PCBP3: variants seen among roughly 807,000 people sequenced by gnomAD.
The protein encoded by PCBP3 is poly(rC)-binding protein 3.
Under a neutral mutation model 52.7 loss-of-function variants are expected in PCBP3, and 25 were observed. That is an observed-to-expected ratio of 0.47 (90% CI 0.35 to 0.66). PCBP3 has a LOEUF of 0.66. Ranked by LOEUF, PCBP3 falls within the 30% of genes least tolerant of loss-of-function variation. The pLI is 0.01. For missense variants in PCBP3, 391 were observed against 490.3 expected (o/e 0.80, Z 1.91); for synonymous variants, 162 against 183.0 (o/e 0.89, Z 0.93).
Position 45,768,131 on chromosome 21 carries a change from C to A in PCBP3, c.-126+12679C>A, listed in dbSNP as rs116579469. Among the ~76,000 whole-genome samples the A allele has an allele frequency of 4.5e-3, 688 of 152,364 alleles. 3 individuals carry two copies. The highest frequency in any genetic ancestry group is 0.015 in the African/African-American group (640 of 41,586). On this transcript the variant is annotated intron_variant, in intron 4 of 17. Transcript: ENST00000681687. ...CTGCACTGGGGCACACACTGTGGGG[C>A]AGTTGCCTTCTCACCCTTTGGTGGG...
intron 4 of PCBP3, among the ~76,000 whole-genome samples, chr21:45,844,943 CT>C (rs892008942): frequency 2.0e-5 from 3 of 150,334 alleles, no homozygotes; most frequent in Admixed American, 2.0e-4. Flanking sequence ...TATATATATG[CT>C]TTATTTAAGG....
At position 45,900,985 on chromosome 21, in the gene PCBP3, C is replaced by T; in HGVS notation, c.223-12C>T. 3.1e-6 allele frequency: 5 copies of T among 1,601,302 alleles called. 1 individual carries two copies. Among genetic ancestry groups the T allele is most frequent in the Middle Eastern group, 3.3e-4 (2 of 6,036 alleles). On this transcript the variant is annotated splice_polypyrimidine_tract_variant and intron_variant, in intron 8 of 17. Coordinates refer to ENST00000681687, the MANE Select transcript of PCBP3 (RefSeq NM_001384156.1). ...TAATCAGGTCGCTGGGGTTTCTCTG[C>T]TCTCACCTTAGAGTGGTGCAAGGAT...
rs887161130 is a variant in PCBP3 at position 45,888,529 on chromosome 21, G to A, written c.11-7679G>A. ...CAGCCGGGGCCACCCACACGCCACC[G>A]CACACAGCACCTTCCCCACGGCAGA... On this transcript the variant is annotated intron_variant, in intron 5 of 17. Coordinates refer to ENST00000681687, the MANE Select transcript of PCBP3 (RefSeq NM_001384156.1). 3.7e-4 allele frequency among the ~76,000 whole-genome samples: 57 copies of A among 152,256 alleles called. 1 individual carries two copies. The highest frequency in any genetic ancestry group is 4.1e-4 in the African/African-American group (17 of 41,532).
At chr21:45,803,137 CA>C (rs1160739008) in intron 4 of PCBP3, among the ~76,000 whole-genome samples, 1 of 152,198 alleles carries the variant, frequency 6.6e-6, no homozygotes, top group Admixed American at 6.5e-5. Context: ...GGTGTGCCTG[CA>C]GCTGTGTGGG....
chr21:45,862,169 C>T (rs1454500017), intron 5 of PCBP3, among the ~76,000 whole-genome samples: 1 of 100,188 alleles, frequency 1.0e-5, no homozygotes, highest in Non-Finnish European at 1.8e-5. Flanking sequence ...TCTTAAGTTT[C>T]AACATAGGAA....
intron 2 of PCBP3, among the ~76,000 whole-genome samples, chr21:45,683,457 CTT>C (rs1319648074): frequency 4.6e-5 from 7 of 152,054 alleles, no homozygotes; most frequent in African/African-American, 1.7e-4. Context: ...GTGAAAGAGA[CTT>C]TTAGGGTTAT....
intron 5 of PCBP3, among the ~76,000 whole-genome samples, chr21:45,892,138 T>C (rs1020878034): frequency 6.6e-6 from 1 of 152,160 alleles, no homozygotes; most frequent in African/African-American, 2.4e-5. Context: ...CGGAGGCTTT[T>C]AGCAGGACCG....
chr21:45,792,133 C>T (rs1023626626), intron 4 of PCBP3, among the ~76,000 whole-genome samples: 1 of 152,298 alleles, frequency 6.6e-6, no homozygotes. Flanking sequence ...AGGCGAGGCC[C>T]GGGGCTCCAG....
At chr21:45,676,376 T>A (rs1040516012) in intron 2 of PCBP3, among the ~76,000 whole-genome samples, 3 of 152,210 alleles carry the variant, frequency 2.0e-5, no homozygotes, top group Admixed American at 1.3e-4. Flanking sequence ...AATTTTTTTT[T>A]TTAAACAAAT....
In PCBP3 at chr21:45,644,166, G is replaced by A. The variant is rs1296434441; in HGVS notation, c.-279+298G>A. 3.3e-5 allele frequency among the ~76,000 whole-genome samples: 5 copies of A among 151,510 alleles called. No individual in the cohort carries two copies. In the East Asian group the frequency reaches 9.7e-4, roughly 29 times the overall value. On this transcript the variant is annotated intron_variant, in intron 1 of 17. Coordinates refer to ENST00000681687, the MANE Select transcript of PCBP3 (RefSeq NM_001384156.1). ...TGCGGCGGGAAGCCGAGAACGTCTC[G>A]GATGTGGGTCAGAAAACGTCTGGAC... is the stretch of plus-strand genomic sequence containing the variant.
intron 4 of PCBP3, among the ~76,000 whole-genome samples, chr21:45,773,501 T>C (rs948325705): frequency 6.6e-6 from 1 of 152,218 alleles, no homozygotes; most frequent in Admixed American, 6.5e-5. Flanking sequence ...TTAAGAAATG[T>C]CTATTCATGT....
At chr21:45,686,160 C>T (rs745307413) in intron 2 of PCBP3, among the ~76,000 whole-genome samples, 7 of 152,080 alleles carry the variant, frequency 4.6e-5, no homozygotes, top group South Asian at 2.1e-4. Flanking sequence ...TCAAGTGATT[C>T]GCCTGCCTTG....
rs575561654 is a variant in PCBP3, at chr21:45,845,547, G to A, written c.-125-4414G>A. Among the ~76,000 whole-genome samples, 6 of 151,256 alleles carry A rather than the reference G, an allele frequency of 4.0e-5. No individual in the cohort carries two copies. The South Asian group carries it at 1.3e-3, about 32-fold the overall frequency. On this transcript the variant is annotated intron_variant, in intron 4 of 17. Coordinates refer to ENST00000681687, the MANE Select transcript of PCBP3 (RefSeq NM_001384156.1). ...GTGTGCCTTTGCTGTGTGTATGCAT[G>A]TGTGTGAGCTGCTTAAGCACCCGTG...
chr21:45,661,035 C>G (rs1034245101), intron 1 of PCBP3, among the ~76,000 whole-genome samples: 1 of 151,852 alleles, frequency 6.6e-6, no homozygotes, highest in African/African-American at 2.4e-5. Context: ...AGGAAAACTC[C>G]ATCTCAAAAA....
chr21:45,815,565 G>GAGT (rs1390618120), intron 4 of PCBP3, among the ~76,000 whole-genome samples: 2 of 93,676 alleles, frequency 2.1e-5, no homozygotes, highest in Non-Finnish European at 4.3e-5. Flanking sequence ...GGTGAGTGGT[G>GAGT]AGTGAGTGGT....
intron 17 of PCBP3, among the ~76,000 whole-genome samples, chr21:45,940,966 C>T (rs1466305173): frequency 6.6e-6 from 1 of 152,204 alleles, no homozygotes; most frequent in African/African-American, 2.4e-5. Context: ...GGAGGGGCCT[C>T]TAGGTGGACA....
In PCBP3 at chr21:45,824,038, G is replaced by A. The variant is rs150457077; in HGVS notation, c.-125-25923G>A. On this transcript the variant is annotated intron_variant, in intron 4 of 17. Coordinates refer to ENST00000681687, the MANE Select transcript of PCBP3 (RefSeq NM_001384156.1). ...ATTACAGGCATGAGCCACTAGGCTC[G>A]GCCTGTTTGTTTCTTTTAAATAAAT... 7.5e-3 allele frequency among the ~76,000 whole-genome samples: 1,136 copies of A among 152,250 alleles called. 9 individuals carry two copies. The highest frequency in any genetic ancestry group is 0.01 in the Middle Eastern group (3 of 294).
chr21:45,878,295 G>A (rs900906576), intron 5 of PCBP3, among the ~76,000 whole-genome samples: 1 of 152,226 alleles, frequency 6.6e-6, no homozygotes, highest in South Asian at 2.1e-4. Flanking sequence ...GGGTGGGGGG[G>A]TCCTCCCGGG....
chr21:45,824,548 G>T (rs1348974463), intron 4 of PCBP3, among the ~76,000 whole-genome samples: 1 of 152,234 alleles, frequency 6.6e-6, no homozygotes, highest in South Asian at 2.1e-4. Context: ...GAACCAGCCT[G>T]TGTTCACAGT....
Sources: gnomAD v4.1 joint callset for allele counts (sites outside exome capture counted in the v4.1 genomes callset) on GRCh38, gnomAD v4.1.1 for gene constraint, MANE v1.5 for transcripts, NCBI Gene and HGNC (gene_info 2026-07-23, HGNC 2026-07-21) for gene names.